NPAS3: variants seen among roughly 807,000 people sequenced by gnomAD.
The protein encoded by NPAS3 is neuronal PAS domain protein 3.
In NPAS3, 14 loss-of-function variants were observed where a neutral mutation model predicts 73.1. The ratio of observed to expected loss-of-function variants is 0.19; its 90% confidence interval spans 0.13 to 0.30. The LOEUF is 0.30. Ranked by LOEUF, NPAS3 falls within the 10% of genes least tolerant of loss-of-function variation. The pLI is 1.00. For synonymous variants in NPAS3, 620 were observed against 541.5 expected (o/e 1.14, Z -2.01); for missense variants, 1,096 against 1,250.0 (o/e 0.88, Z 1.86).
chr14:33,772,360 GC>G (rs1017556091), intron 7 of NPAS3, among the ~76,000 whole-genome samples: 7 of 152,038 alleles, frequency 4.6e-5, no homozygotes, highest in African/African-American at 1.7e-4. Flanking sequence ...CCCAACTTTG[GC>G]CCCCTTCAGT....
intron 1 of NPAS3, among the ~76,000 whole-genome samples, chr14:33,024,496 CAT>C (rs909257042): frequency 2.0e-5 from 3 of 152,088 alleles, no homozygotes; most frequent in African/African-American, 4.8e-5. Context: ...TAAATCATCA[CAT>C]GTCTCCATGT....
intron 3 of NPAS3, among the ~76,000 whole-genome samples, chr14:33,333,424 A>C (rs2044076247): frequency 6.6e-6 from 1 of 152,186 alleles, no homozygotes; most frequent in African/African-American, 2.4e-5. Context: ...TTTTACCTAT[A>C]TTGTTATATT....
At chr14:33,514,178 T>C (rs1453562533) in intron 4 of NPAS3, among the ~76,000 whole-genome samples, 1 of 152,040 alleles carries the variant, frequency 6.6e-6, no homozygotes, top group African/African-American at 2.4e-5. Context: ...AGAATTGAAT[T>C]AACAAGGGGC....
At chr14:33,222,487 C>A (rs1353531965) in intron 3 of NPAS3, among the ~76,000 whole-genome samples, 1 of 152,176 alleles carries the variant, frequency 6.6e-6, no homozygotes, top group Non-Finnish European at 1.5e-5. Context: ...TCAGATGTCA[C>A]TCTCTTGTGC....
chr14:33,799,591 G>T (rs952883149), intron 11 of NPAS3, 143 bp from the exon 12 acceptor site: 2 of 791,034 alleles, frequency 2.5e-6, no homozygotes, highest in African/African-American at 3.5e-5. Flanking sequence ...GAAGGTGATG[G>T]AGAAGCCCGT....
intron 4 of NPAS3, among the ~76,000 whole-genome samples, chr14:33,447,668 C>T (rs2049582354): frequency 6.6e-6 from 1 of 152,044 alleles, no homozygotes; most frequent in Non-Finnish European, 1.5e-5. Context: ...AATGCCAGTG[C>T]TGTGGGAGGC....
chr14:32,958,434 T>C (rs2036770763), intron 1 of NPAS3, among the ~76,000 whole-genome samples: 1 of 152,202 alleles, frequency 6.6e-6, no homozygotes, highest in South Asian at 2.1e-4. Flanking sequence ...CCTTTCTTTT[T>C]GAGATACTCT....
chr14:33,694,771 T>C (rs1436101544), intron 6 of NPAS3, among the ~76,000 whole-genome samples: 2 of 152,174 alleles, frequency 1.3e-5, no homozygotes, highest in African/African-American at 2.4e-5. Flanking sequence ...ACAACATCTT[T>C]CCATCAGATA....
intron 2 of NPAS3, among the ~76,000 whole-genome samples, chr14:33,162,575 T>G (rs1353969669): frequency 2.0e-5 from 3 of 152,220 alleles, no homozygotes; most frequent in African/African-American, 7.2e-5. Flanking sequence ...TCCTTTTAAA[T>G]TCTTCTCATG....
intron 3 of NPAS3, among the ~76,000 whole-genome samples, chr14:33,271,023 A>G (rs192923051): frequency 1.3e-5 from 2 of 152,230 alleles, no homozygotes; most frequent in Admixed American, 6.5e-5. Context: ...ATAATTTTAG[A>G]TGACTATGGG....
intron 1 of NPAS3, among the ~76,000 whole-genome samples, chr14:32,985,186 A>T (rs982669919): frequency 1.3e-5 from 2 of 152,184 alleles, no homozygotes; most frequent in African/African-American, 4.8e-5. Flanking sequence ...ATATATTGAT[A>T]CAGAAAATGG....
chr14:33,601,279 T>C (rs986547535), intron 5 of NPAS3, among the ~76,000 whole-genome samples: 1 of 152,232 alleles, frequency 6.6e-6, no homozygotes, highest in Non-Finnish European at 1.5e-5. Context: ...CTTCAAAGTA[T>C]TTTCTCACAT....
chr14:33,335,030 T>TTGTGTGTGTG (rs777068522), intron 3 of NPAS3, among the ~76,000 whole-genome samples: 2,073 of 144,208 alleles, frequency 0.014, 44 homozygotes, highest in African/African-American at 0.021. Flanking sequence ...TGGTATTCCA[T>TTGTGTGTGTG]TGTGTGTGTG....
rs373276191 is a variant in NPAS3 at position 33,591,986 on chromosome 14, A to G, written c.558+31776A>G. On this transcript the variant is annotated intron_variant, in intron 5 of 11. Transcript: ENST00000356141. ...TTGTCGCTTGTTTTATCTTCACAAC[A>G]TTGCTGTGATGTAGATGGAGCTGAC... Among the ~76,000 whole-genome samples the G allele has an allele frequency of 3.9e-5, 6 of 152,302 alleles. No individual in the cohort carries two copies. The East Asian group carries it at 5.8e-4, about 15-fold the overall frequency.
intron 5 of NPAS3, among the ~76,000 whole-genome samples, chr14:33,560,994 G>C (rs6571604): frequency 0.8 from 121,853 of 152,196 alleles, 48,909 homozygotes; most frequent in Admixed American, 0.83. Flanking sequence ...GAACATCTGG[G>C]TATTTGCGCC....
intron 2 of NPAS3, among the ~76,000 whole-genome samples, chr14:33,212,927 G>C (rs1053009826): frequency 1.3e-5 from 2 of 152,140 alleles, no homozygotes; most frequent in Non-Finnish European, 2.9e-5. Context: ...ACGAGTCCCT[G>C]ATCCATGTTT....
chr14:33,724,169 G>A (rs992667496), intron 6 of NPAS3, among the ~76,000 whole-genome samples: 1 of 152,106 alleles, frequency 6.6e-6, no homozygotes, highest in Non-Finnish European at 1.5e-5. Flanking sequence ...GGATGTATTT[G>A]CAAGAAATAT....
intron 6 of NPAS3, among the ~76,000 whole-genome samples, chr14:33,679,008 T>C (rs1958557): frequency 0.49 from 74,810 of 152,006 alleles, 19,636 homozygotes; most frequent in Admixed American, 0.58. Context: ...TTAAAGGTAC[T>C]CTATCAATCA....
chr14:33,528,307 C>T (rs2053892490), intron 4 of NPAS3, among the ~76,000 whole-genome samples: 1 of 151,852 alleles, frequency 6.6e-6, no homozygotes, highest in Non-Finnish European at 1.5e-5. Context: ...TTCACTTATT[C>T]ACTTGGTGAG....
Sources: allele counts gnomAD v4.1 joint callset (sites outside exome capture counted in the v4.1 genomes callset), GRCh38; gene constraint gnomAD v4.1.1; transcripts MANE v1.5; gene names NCBI Gene and HGNC (gene_info 2026-07-23, HGNC 2026-07-21).